Variants in CNTN6 observed in about 807,000 individuals in gnomAD.
CNTN6 encodes contactin-6.
CNTN6 carries 137 observed loss-of-function variants against 122.8 expected under a neutral mutation model. The ratio of observed to expected loss-of-function variants is 1.12; its 90% CI spans 0.97 to 1.29. CNTN6 has a LOEUF of 1.29. Ranked by LOEUF, CNTN6 falls within the 50% of genes most tolerant of loss-of-function variation. CNTN6 has a pLI of 0.00. For missense variants in CNTN6, 1,634 were observed against 1,223.4 expected (o/e 1.34, Z -5.01); for synonymous variants, 570 against 426.0 (o/e 1.34, Z -4.16).
rs745875129 is a variant in CNTN6, at chr3:1,373,655, C to A, written c.1838C>A (p.Thr613Asn). The change falls in exon 15 of 23, where the codon ACT becomes AAT. Residue 613 changes from threonine to asparagine, a missense_variant. Physicochemically the swap from Thr to Asn is moderately conservative, Grantham distance 65. Coordinates refer to ENST00000446702, the MANE Select transcript of CNTN6 (RefSeq NM_001289080.2). Reference sequence around the variant, plus strand: ...CAAGTGGAAGACATTTCCAGTACTACTTCTCAACTAAGTTGGAGAGCAGGC... The same window carrying A: ...CAAGTGGAAGACATTTCCAGTACTAATTCTCAACTAAGTTGGAGAGCAGGC... The part of the protein sequence containing the change: ...DVQVEDISST[T>N]SQLSWRAGPD... The A allele has an allele frequency of 1.2e-6, 2 of 1,612,922 alleles. No homozygotes were observed. The highest frequency in any genetic ancestry group is 1.7e-6 in the Non-Finnish European group (2 of 1,179,346).
intron 8 of CNTN6, among the ~76,000 whole-genome samples, chr3:1,325,458 T>A (rs1486053831): frequency 6.6e-6 from 1 of 151,888 alleles, no homozygotes; most frequent in Non-Finnish European, 1.5e-5. Flanking sequence ...TTCCACAGGT[T>A]CAGATTTGAT....
At chr3:1,337,327 T>C (rs1237828891) in intron 11 of CNTN6, among the ~76,000 whole-genome samples, 2 of 152,174 alleles carry the variant, frequency 1.3e-5, no homozygotes, top group Non-Finnish European at 2.9e-5. Flanking sequence ...CCTCCCTGTC[T>C]GACACTTCTC....
intron 1 of CNTN6, among the ~76,000 whole-genome samples, chr3:1,142,752 AC>A (rs915552971): frequency 9.2e-5 from 14 of 151,986 alleles, no homozygotes; most frequent in African/African-American, 3.4e-4. Context: ...AATTTTATTT[AC>A]CAAAAAAAGG....
chr3:1,255,221 G>T (rs2125684249), intron 4 of CNTN6, among the ~76,000 whole-genome samples: 1 of 152,210 alleles, frequency 6.6e-6, no homozygotes. Flanking sequence ...TTGAGGAATG[G>T]TGAAAGAGAC....
intron 2 of CNTN6, 48 bp from the exon 3 acceptor site, chr3:1,220,639 A>G: frequency 6.5e-7 from 1 of 1,550,186 alleles, no homozygotes; most frequent in South Asian, 1.3e-5. Context: ...CTTGCATTCA[A>G]AACAGGGCCA....
chr3:1,289,727 G>T (rs1446947947), intron 5 of CNTN6, among the ~76,000 whole-genome samples: 113 of 150,292 alleles, frequency 7.5e-4, no homozygotes, highest in African/African-American at 2.7e-3. Context: ...CAGGCTGGAG[G>T]GCAGGGGCGC....
chr3:1,303,255 C>T (rs12493569), intron 7 of CNTN6, among the ~76,000 whole-genome samples: 1 of 152,076 alleles, frequency 6.6e-6, no homozygotes, highest in Non-Finnish European at 1.5e-5. Context: ...CCTGATAGTC[C>T]TAAAAGTTTC....
intron 4 of CNTN6, among the ~76,000 whole-genome samples, chr3:1,228,388 G>C (rs375925233): frequency 6.6e-6 from 1 of 152,092 alleles, no homozygotes; most frequent in Non-Finnish European, 1.5e-5. Context: ...GGAGGTGGGC[G>C]TTCTCCCAAG....
At chr3:1,163,446 C>G (rs1052377117) in intron 2 of CNTN6, among the ~76,000 whole-genome samples, 7 of 152,180 alleles carry the variant, frequency 4.6e-5, no homozygotes, top group African/African-American at 1.7e-4. Flanking sequence ...TTGTTTGGTT[C>G]TGCCAGTCAG....
intron 19 of CNTN6, 49 bp downstream of exon 19, chr3:1,383,457 C>T (rs760772803): frequency 1.4e-5 from 19 of 1,352,344 alleles, no homozygotes; most frequent in Admixed American, 1.7e-5. Flanking sequence ...CAATGGACTT[C>T]GCAATAGCTC....
intron 4 of CNTN6, among the ~76,000 whole-genome samples, chr3:1,240,286 G>A (rs2094465913): frequency 1.3e-5 from 2 of 152,080 alleles, no homozygotes; most frequent in African/African-American, 4.8e-5. Flanking sequence ...ACGAATGACT[G>A]ATATCGAGAA....
chr3:1,396,469 T>G (rs1420816138), intron 20 of CNTN6, among the ~76,000 whole-genome samples: 1 of 152,202 alleles, frequency 6.6e-6, no homozygotes, highest in Non-Finnish European at 1.5e-5. Context: ...CCATGTACTA[T>G]CTGTGTGCCA....
chr3:1,103,798 G>A (rs984341012), intron 1 of CNTN6, among the ~76,000 whole-genome samples: 4 of 152,118 alleles, frequency 2.6e-5, no homozygotes. Context: ...TTTTCTGCCA[G>A]TGAAGTTTCA....
chr3:1,399,425 T>C (rs1695394922), intron 20 of CNTN6, among the ~76,000 whole-genome samples: 1 of 152,088 alleles, frequency 6.6e-6, no homozygotes. Context: ...ACGTTGTACA[T>C]TGACAAGCAA....
At chr3:1,254,054 A>C (rs1326246456) in intron 4 of CNTN6, among the ~76,000 whole-genome samples, 4 of 152,216 alleles carry the variant, frequency 2.6e-5, no homozygotes, top group African/African-American at 9.6e-5. Context: ...AAAAAATTTC[A>C]AACATACAGA....
intron 1 of CNTN6, among the ~76,000 whole-genome samples, chr3:1,137,463 G>A (rs1189860415): frequency 1.3e-5 from 2 of 152,098 alleles, no homozygotes; most frequent in African/African-American, 4.8e-5. Flanking sequence ...TGGATCAGGG[G>A]ATTTTTAGCA....
rs759155088 is a variant in CNTN6, at chr3:1,295,781, C to T, written c.635C>T (p.Thr212Ile). ...EAQRSVQGPP[T>I]PLVQRTDGVM... is the part of the protein sequence containing the mutation. ...CAGAGAAGTGTTCAAGGTCCACCCA[C>T]TCCATTAGTGCAGCGCACTGATGGT... The change falls in exon 6 of 23, where the codon ACT becomes ATT. Residue 212 changes from threonine (T) to isoleucine (I), a missense_variant. Coordinates refer to ENST00000446702, the MANE Select transcript of CNTN6 (RefSeq NM_001289080.2). 1.2e-6 allele frequency: 2 copies of T among 1,613,942 alleles called. No individual in the cohort carries two copies. Among genetic ancestry groups the T allele is most frequent in the East Asian group, 2.2e-5 (1 of 44,874 alleles).
In CNTN6 at chr3:1,210,969, C is replaced by T. The variant is rs117536821; in HGVS notation, c.56-9718C>T. On this transcript the variant is annotated intron_variant, in intron 2 of 22. Transcript: ENST00000446702. ...CACATGACCTGGGGGCCTTGCCCCA[C>T]CATTCAGTGTAAATGTGACTCACTG... Among the ~76,000 whole-genome samples, 342 of 152,310 alleles carry T rather than the reference C, an allele frequency of 2.2e-3. 16 individuals carry two copies. The East Asian group carries it at 0.06, about 27-fold the overall frequency.
intron 11 of CNTN6, among the ~76,000 whole-genome samples, chr3:1,331,631 G>C (rs553711099): frequency 5.1e-4 from 77 of 152,004 alleles, no homozygotes; most frequent in South Asian, 1.0e-3. Flanking sequence ...AAAAACATAA[G>C]AGATCCTGCA....
Sources: allele counts gnomAD v4.1 joint callset (sites outside exome capture counted in the v4.1 genomes callset), GRCh38; gene constraint gnomAD v4.1.1; transcripts MANE v1.5; gene names NCBI Gene and HGNC (gene_info 2026-07-23, HGNC 2026-07-21).